The following ZBTB43 variants were observed in gnomAD, a reference collection of about 807,000 sequenced individuals.
ZBTB43 encodes the protein zinc finger and BTB domain-containing protein 43.
In ZBTB43, 6 loss-of-function variants were observed where a neutral mutation model predicts 31.1. The observed-to-expected ratio is 0.19, with a 90% CI of 0.11 to 0.38. The LOEUF is 0.38. ZBTB43 is among the 10% of genes least tolerant of loss of function. The probability of loss-of-function intolerance (pLI) is 1.00; values close to 1 mark genes in which losing one functional copy is unlikely to be tolerated. For synonymous variants in ZBTB43, 212 were observed against 221.7 expected (o/e 0.96, Z 0.39); for missense variants, 379 against 602.1 (o/e 0.63, Z 3.88).
chr9:126,807,164 TC>T (rs2032145092), intron 1 of ZBTB43, among the ~76,000 whole-genome samples: 1 of 152,226 alleles, frequency 6.6e-6, no homozygotes, highest in Admixed American at 6.5e-5. Context: ...TTTAATTGAA[TC>T]CTAGATGCTG....
rs191560895 is a variant in ZBTB43, at chr9:126,810,034, A to C, written c.-24+1119A>C. Among the ~76,000 whole-genome samples, 180 of 152,012 alleles carry C rather than the reference A, an allele frequency of 1.2e-3. 2 individuals are homozygous for C. Among genetic ancestry groups the C allele is most frequent in the African/African-American group, 4.2e-3 (176 of 41,444 alleles). ...GTATTTTTAGTAGAGATGGGGTTTC[A>C]CCATCTTGGCCAGACTGGTCTTGAA... On this transcript the variant is annotated intron_variant, in intron 2 of 2. Coordinates refer to ENST00000373464, the MANE Select transcript of ZBTB43 (RefSeq NM_014007.4).
At chr9:126,808,549 TA>T (rs1433076116) in intron 1 of ZBTB43, among the ~76,000 whole-genome samples, 1 of 152,208 alleles carries the variant, frequency 6.6e-6, no homozygotes, top group African/African-American at 2.4e-5. Flanking sequence ...ATGAGAGGTA[TA>T]TGGGAGTTAT....
chr9:126,818,168 G>C (rs1395338639), intron 2 of ZBTB43, among the ~76,000 whole-genome samples: 1 of 147,078 alleles, frequency 6.8e-6, no homozygotes, highest in Non-Finnish European at 1.5e-5. Context: ...TGTCACCCAG[G>C]CTGGACTACA....
rs1341024856 is a variant in ZBTB43 at position 126,834,571 on chromosome 9, G to A, written c.*658G>A. 6.0e-6 allele frequency: 1 copy of A among 167,026 alleles called. No individual in the cohort carries two copies. Among genetic ancestry groups the A allele is most frequent in the Non-Finnish European group, 1.5e-5 (1 of 68,120 alleles). The allele number at this position is 167,026 out of a possible 1,614,324, so 10.3% of individuals were successfully genotyped here. A position where few individuals can be genotyped will look rare whatever the true frequency, so the allele number is the denominator to read the frequency against. Reference sequence around the variant, plus strand: ...TCAGTTTCTGTAAGATGCCACTACTGTCACAAGGTGTTTCAGACTCTTGAT... The same window carrying A: ...TCAGTTTCTGTAAGATGCCACTACTATCACAAGGTGTTTCAGACTCTTGAT... On this transcript the variant is annotated 3_prime_UTR_variant, in exon 3 of 3. Transcript: ENST00000373464.
At chr9:126,831,130 C>A (rs1016996437) in intron 2 of ZBTB43, among the ~76,000 whole-genome samples, 2 of 152,140 alleles carry the variant, frequency 1.3e-5, no homozygotes, top group African/African-American at 4.8e-5. Flanking sequence ...GCTGAAAGAC[C>A]AGAGGTGCAA....
At chr9:126,826,278 C>T (rs1181132138) in intron 2 of ZBTB43, among the ~76,000 whole-genome samples, 3 of 151,678 alleles carry the variant, frequency 2.0e-5, no homozygotes, top group African/African-American at 7.3e-5. Context: ...TCCCAAAGTG[C>T]TGGGATTACA....
chr9:126,807,118 T>C (rs2032142995), intron 1 of ZBTB43, among the ~76,000 whole-genome samples: 1 of 152,254 alleles, frequency 6.6e-6, no homozygotes, highest in Non-Finnish European at 1.5e-5. Flanking sequence ...TTTATCAAGC[T>C]TTCTAATAAG....
At chr9:126,818,174 C>G (rs529259400) in intron 2 of ZBTB43, among the ~76,000 whole-genome samples, 25 of 146,846 alleles carry the variant, frequency 1.7e-4, no homozygotes, top group African/African-American at 6.3e-4. Flanking sequence ...CCAGGCTGGA[C>G]TACACTGGTG....
intron 2 of ZBTB43, among the ~76,000 whole-genome samples, chr9:126,821,634 G>T (rs1004496157): frequency 6.6e-6 from 1 of 152,182 alleles, no homozygotes; most frequent in Non-Finnish European, 1.5e-5. Context: ...TATTGCAAAG[G>T]CATGGTAAAA....
chr9:126,812,883 G>A (rs2032279611), intron 2 of ZBTB43, among the ~76,000 whole-genome samples: 1 of 151,810 alleles, frequency 6.6e-6, no homozygotes, highest in Non-Finnish European at 1.5e-5. Flanking sequence ...TTTCTTGATG[G>A]TATCATTTGT....
At position 126,833,703 on chromosome 9, in the gene ZBTB43, G is replaced by T; in HGVS notation, c.1194G>T (p.Arg398=). 1.2e-6 allele frequency: 2 copies of T among 1,608,152 alleles called. No individual in the cohort carries two copies. Among genetic ancestry groups the T allele is most frequent in the Admixed American group, 3.3e-5 (2 of 59,920 alleles). ...DRHMSMHLGL[R]PYGCGVCGKK... The stretch of plus-strand genomic sequence containing the variant: ...ACATGAGCATGCACCTCGGTCTTCG[G>T]CCTTACGGCTGTGGGGTCTGCGGTA... Residue 398 remains arginine (R), a synonymous_variant, in exon 3 of 3, where the codon CGG becomes CGT. Coordinates refer to ENST00000373464, the MANE Select transcript of ZBTB43 (RefSeq NM_014007.4). The surrounding 1 kb of genome is among the most constrained non-coding windows in gnomAD (Gnocchi z 7.9).
At position 126,811,059 on chromosome 9, in the gene ZBTB43, T is replaced by C. The variant is rs2032236955; in HGVS notation, c.-24+2144T>C. 2.0e-5 allele frequency among the ~76,000 whole-genome samples: 3 copies of C among 151,204 alleles called. No individual in the cohort carries two copies. The South Asian group carries it at 6.3e-4, about 32-fold the overall frequency. ...CAACATGGTGAAACCCCATCTCTACTAAAAACACAAAAATTAGCTGGGCGT... is the reference window on the plus strand; with the variant it reads ...CAACATGGTGAAACCCCATCTCTACCAAAAACACAAAAATTAGCTGGGCGT... On this transcript the variant is annotated intron_variant, in intron 2 of 2. Coordinates refer to ENST00000373464, the MANE Select transcript of ZBTB43 (RefSeq NM_014007.4).
intron 2 of ZBTB43, among the ~76,000 whole-genome samples, chr9:126,809,987 A>G (rs1321750104): frequency 1.3e-5 from 2 of 151,672 alleles, no homozygotes; most frequent in Admixed American, 1.3e-4. Flanking sequence ...GGTGCCGGCC[A>G]CCACACCCGG....
rs200532353 is a variant in ZBTB43, at chr9:126,813,148, CTT to C, written c.-24+4235_-24+4236del. ...GATGTGTGCCACCACGCCCGGCTAACTTTGTATTTTTAGTAGAGACAGGGTTT... is the reference window on the plus strand; with the variant it reads ...GATGTGTGCCACCACGCCCGGCTAACTGTATTTTTAGTAGAGACAGGGTTT... On this transcript the variant is annotated intron_variant, in intron 2 of 2. Transcript: ENST00000373464. 2.6e-4 allele frequency among the ~76,000 whole-genome samples: 40 copies of C among 151,916 alleles called. 1 individual carries two copies. The East Asian group carries it at 7.6e-3, about 29-fold the overall frequency.
rs2032885348 is a variant in ZBTB43, at chr9:126,836,645, C to T, written c.*2732C>T. ...ATAGCTTTAGAAAATCTTTATCCTT[C>T]CTAATAAGTTTGGATGGTTGTGGGT... On this transcript the variant is annotated 3_prime_UTR_variant, in exon 3 of 3. Transcript: ENST00000373464. The T allele has an allele frequency of 6.0e-6, 1 of 166,998 alleles. No individual in the cohort carries two copies. The highest frequency in any genetic ancestry group is 2.4e-5 in the African/African-American group (1 of 41,420). The allele number at this position is 166,998 out of a possible 1,614,324, so 10.3% of individuals were successfully genotyped here.
intron 1 of ZBTB43, among the ~76,000 whole-genome samples, chr9:126,805,898 G>A (rs1179744075): frequency 1.3e-5 from 2 of 152,160 alleles, no homozygotes; most frequent in East Asian, 3.9e-4. Flanking sequence ...CTGAGCCATG[G>A]AAGGTGACTC....
At chr9:126,810,529 TCTCG>T (rs2032223559) in intron 2 of ZBTB43, among the ~76,000 whole-genome samples, 1 of 89,110 alleles carries the variant, frequency 1.1e-5, no homozygotes, top group South Asian at 4.2e-4. Flanking sequence ...TGAGATGGGG[TCTCG>T]CTCTGTCACA....
At position 126,828,183 on chromosome 9, in the gene ZBTB43, A is replaced by G. The variant is rs527381851; in HGVS notation, c.-23-4304A>G. Among the ~76,000 whole-genome samples the G allele has an allele frequency of 4.8e-4, 73 of 151,624 alleles. 1 individual carries two copies. The highest frequency in any genetic ancestry group is 6.8e-3 in the Middle Eastern group (2 of 294). On this transcript the variant is annotated intron_variant, in intron 2 of 2. Coordinates refer to ENST00000373464, the MANE Select transcript of ZBTB43 (RefSeq NM_014007.4). Reference sequence around the variant, plus strand: ...ACACCCATGTATTAAAGGTTTTATTATTTATTTATTTTTTTTTTGAGATGG... The same window carrying G: ...ACACCCATGTATTAAAGGTTTTATTGTTTATTTATTTTTTTTTTGAGATGG...
Position 126,833,388 on chromosome 9 carries a change from C to A in ZBTB43, c.879C>A (p.Ile293=). Residue 293 remains isoleucine, a synonymous_variant, in exon 3 of 3, where the codon ATC becomes ATA. Transcript: ENST00000373464. This position sits in a 1 kb window ranked among gnomAD's most constrained non-coding sequence, Gnocchi z 7.9. ...CGGGAGTGGAGGAGGACTTCCACAT[C>A]GGGGAGAAGAAAGTGGAAGCTGAGT... ...QPSGVEEDFH[I]GEKKVEAEFD... 6.2e-7 allele frequency: 1 copy of A among 1,613,588 alleles called. No individual in the cohort carries two copies. Among genetic ancestry groups the A allele is most frequent in the Non-Finnish European group, 8.5e-7 (1 of 1,179,822 alleles).
Sources: allele counts gnomAD v4.1 joint callset (sites outside exome capture counted in the v4.1 genomes callset), GRCh38; gene constraint gnomAD v4.1.1; non-coding constraint Gnocchi (gnomAD v3.1); transcripts MANE v1.5; gene names NCBI Gene and HGNC (gene_info 2026-07-23, HGNC 2026-07-21).